GNL3L: variants seen among roughly 807,000 people sequenced by gnomAD.
GNL3L encodes the protein guanine nucleotide-binding protein-like 3-like protein.
Under a neutral mutation model 42.9 loss-of-function variants are expected in GNL3L, and 4 were observed. The ratio of observed to expected loss-of-function variants is 0.09; its 90% CI spans 0.05 to 0.21. The LOEUF is 0.21. Among genes scored for constraint, GNL3L ranks in the 10% least tolerant of loss-of-function variants. The pLI, the probability that GNL3L is intolerant of heterozygous loss-of-function variation, is 1.00. For synonymous variants in GNL3L, 159 were observed against 176.3 expected (o/e 0.90, Z 0.78); for missense variants, 412 against 481.7 (o/e 0.86, Z 1.36).
At chrX:54,599,056 G>T (rs1925970924) in intron 16 of GNL3L, among the ~76,000 whole-genome samples, 1 of 111,726 alleles carries the variant, frequency 9.0e-6, no homozygotes, top group African/African-American at 3.2e-5. Flanking sequence ...GTTAACCAAG[G>T]ATATGTCATA....
downstream of GNL3L, among the ~76,000 whole-genome samples, chrX:54,571,494 C>T (rs955775623): frequency 3.9e-5 from 4 of 103,350 alleles, no homozygotes; most frequent in African/African-American, 7.1e-5. Flanking sequence ...CCACTGCGCC[C>T]GGCCTTTTTT....
At position 54,563,783 on chromosome X, in the gene GNL3L, CA is replaced by C. The variant is rs1166399867; in HGVS notation, c.*3182del. Among the ~76,000 whole-genome samples, 1 of 109,858 alleles carries C rather than the reference CA, an allele frequency of 9.1e-6. No homozygotes were observed. Among genetic ancestry groups the C allele is most frequent in the African/African-American group, 3.3e-5 (1 of 30,149 alleles). ...CGTGGGCAACAGAGTGAGACTGTCT[CA>C]GGGGGAAAAAAAAAGAGGAAAACAA... On this transcript the variant is annotated 3_prime_UTR_variant, in exon 16 of 16. Coordinates refer to ENST00000360845, the MANE Select transcript of GNL3L (RefSeq NM_001184819.2).
intron 5 of GNL3L, among the ~76,000 whole-genome samples, chrX:54,542,677 T>A (rs960932820): frequency 8.9e-6 from 1 of 111,996 alleles, no homozygotes; most frequent in Non-Finnish European, 1.9e-5. Context: ...CGCCACACTG[T>A]CTTCCACAAT....
At position 54,550,997 on chromosome X, in the gene GNL3L, T is replaced by A; in HGVS notation, c.810T>A (p.Asn270Lys). The change falls in exon 10 of 16, where the codon AAT becomes AAA. Residue 270 changes from asparagine to lysine, a missense_variant. Asn to Lys is a moderately conservative substitution (Grantham distance 94). Transcript: ENST00000360845. ...ATGTTGGGAAGAGCAGCCTGATCAA[T>A]AGCCTGAAGCGCAGCCGCGCATGCA... ...LPNVGKSSLI[N>K]SLKRSRACSV... The A allele has an allele frequency of 8.6e-7, 1 of 1,165,470 alleles. No individual in the cohort carries two copies. The highest frequency in any genetic ancestry group is 1.2e-6 in the Non-Finnish European group (1 of 853,291).
chrX:54,569,852 T>C (rs908375184), downstream of GNL3L, among the ~76,000 whole-genome samples: 2 of 112,426 alleles, frequency 1.8e-5, no homozygotes, highest in East Asian at 5.5e-4. Context: ...CTTCCACATA[T>C]TTGGACATTT....
At chrX:54,558,714 T>G (rs1601990356) in intron 15 of GNL3L, 59 bp downstream of exon 15, 1 of 846,272 alleles carries the variant, frequency 1.2e-6, no homozygotes, top group Non-Finnish European at 1.7e-6. Flanking sequence ...TCTTTTTTTG[T>G]TTTTTTTTTC....
Position 54,539,105 on chromosome X carries a change from A to G in GNL3L, c.81+4A>G, listed in dbSNP as rs779112458. On this transcript the variant is annotated splice_donor_region_variant and intron_variant, in intron 3 of 15. Transcript: ENST00000360845. ...GATAAGTTGGCCCTACCCTCAGGTA[A>G]GGTATGCCTGTTGTTGAGGGTAAGG... 17 of 1,061,694 alleles carry G rather than the reference A, an allele frequency of 1.6e-5. No individual in the cohort carries two copies. The highest frequency in any genetic ancestry group is 2.5e-4 in the Middle Eastern group (1 of 3,934). The allele number at this position is 1,061,694 out of a possible 1,213,427, so 87.5% of individuals were successfully genotyped here.
chrX:54,551,985 G>T lies in GNL3L; in HGVS notation c.1181+11G>T. 8.3e-7 allele frequency: 1 copy of T among 1,208,097 alleles called. No individual in the cohort carries two copies. Among genetic ancestry groups the T allele is most frequent in the African/African-American group, 1.7e-5 (1 of 57,906 alleles). ...AGCTGACTGGGTGAGGTGAGGAGGG[G>T]GTTAGGGGTAAGGGTGAGGCCCGCT... On this transcript the variant is annotated intron_variant, in intron 12 of 15. Transcript: ENST00000360845.
intron 1 of GNL3L, among the ~76,000 whole-genome samples, chrX:54,530,741 G>A (rs1924220491): frequency 8.9e-6 from 1 of 112,170 alleles, no homozygotes; most frequent in Non-Finnish European, 1.9e-5. Flanking sequence ...CCACCCAGCT[G>A]AGCAGCGCAG....
At chrX:54,598,646 A>C (rs992878911) in intron 16 of GNL3L, among the ~76,000 whole-genome samples, 12 of 111,364 alleles carry the variant, frequency 1.1e-4, no homozygotes, top group African/African-American at 3.9e-4. Context: ...AAAACATGAA[A>C]TTAATAATAT....
At chrX:54,592,518 A>C (rs149037907) in intron 16 of GNL3L, among the ~76,000 whole-genome samples, 1,226 of 111,723 alleles carry the variant, frequency 0.011, 14 homozygotes, top group African/African-American at 0.039. Flanking sequence ...TTTATCATGA[A>C]AAGATGTTGA....
At chrX:54,600,183 C>T (rs6614264) in intron 16 of GNL3L, among the ~76,000 whole-genome samples, 1 of 44,818 alleles carries the variant, frequency 2.2e-5, no homozygotes, top group Admixed American at 3.1e-4. Flanking sequence ...TTATGAGACT[C>T]TAGATTTTAT....
At chrX:54,589,824 A>G (rs1341132670) in intron 16 of GNL3L, among the ~76,000 whole-genome samples, 1 of 111,711 alleles carries the variant, frequency 9.0e-6, no homozygotes, top group African/African-American at 3.3e-5. Flanking sequence ...AGTGTTCTCC[A>G]TAGTGGTTGT....
In GNL3L at chrX:54,564,780, C is replaced by T. The variant is rs763401054; in HGVS notation, c.*4178C>T. ...ACAGAGTCTCACTCTTTCACTGAGG[C>T]TGGAGTGCAGTGGCGTGATCTTGGC... On this transcript the variant is annotated 3_prime_UTR_variant, in exon 16 of 16. Coordinates refer to ENST00000360845, the MANE Select transcript of GNL3L (RefSeq NM_001184819.2). Among the ~76,000 whole-genome samples, 1 of 85,806 alleles carries T rather than the reference C, an allele frequency of 1.2e-5. No individual in the cohort carries two copies. The highest frequency in any genetic ancestry group is 1.4e-4 in the Admixed American group (1 of 6,954). 74.5% of individuals were successfully genotyped at this position (85,806 alleles called of 115,157 possible). A position where few individuals can be genotyped will look rare whatever the true frequency, so the allele number is the denominator to read the frequency against.
chrX:54,579,986 G>GT (rs869217575), intron 16 of GNL3L, among the ~76,000 whole-genome samples: 3,101 of 47,645 alleles, frequency 0.065, 255 homozygotes, highest in African/African-American at 0.11. Flanking sequence ...CCTAAAGTTT[G>GT]TTTTTTTTTT....
chrX:54,559,272 G>A (rs1183844480), intron 15 of GNL3L, among the ~76,000 whole-genome samples: 1 of 110,990 alleles, frequency 9.0e-6, no homozygotes, highest in Non-Finnish European at 1.9e-5. Flanking sequence ...ATCAAATAAC[G>A]ACCATTTATT....
Position 54,567,215 on chromosome X carries a change from C to T in GNL3L, c.*6613C>T, listed in dbSNP as rs1309878837. ...CACTTAGTTCTAGTAGCTTTTTTTG[C>T]AGATTTAACCAGACTTTCTACATAG... is the stretch of plus-strand genomic sequence containing the variant. On this transcript the variant is annotated 3_prime_UTR_variant, in exon 16 of 16. Transcript: ENST00000360845. 9.0e-6 allele frequency among the ~76,000 whole-genome samples: 1 copy of T among 111,679 alleles called. No individual in the cohort carries two copies.
At chrX:54,542,893 C>T (rs751673118) in intron 5 of GNL3L, 62 bp from the exon 6 acceptor site, 39 of 692,483 alleles carry the variant, frequency 5.6e-5, no homozygotes, top group African/African-American at 5.4e-4. Flanking sequence ...AAAAGCCCTG[C>T]TTCTCTTTCT....
At chrX:54,551,123 G>A (rs1055102403) in intron 10 of GNL3L, 73 bp downstream of exon 10, 9 of 602,257 alleles carry the variant, frequency 1.5e-5, no homozygotes, top group Non-Finnish European at 2.3e-5. Flanking sequence ...CATGCCTTCA[G>A]CCCCTGTCCC....
Sources: allele counts gnomAD v4.1 joint callset (sites outside exome capture counted in the v4.1 genomes callset), GRCh38; gene constraint gnomAD v4.1.1; transcripts MANE v1.5; gene names NCBI Gene and HGNC (gene_info 2026-07-23, HGNC 2026-07-21).